BOC: variants seen among roughly 807,000 people sequenced by gnomAD.
BOC encodes brother of CDO.
A neutral mutation model predicts 112.0 loss-of-function variants in BOC; 76 were observed. The ratio of observed to expected loss-of-function variants is 0.68; its 90% CI spans 0.56 to 0.82. The LOEUF is 0.82. Ranked by LOEUF, BOC falls within the 40% of genes least tolerant of loss-of-function variation. The pLI is 0.00. For missense variants in BOC, 1,309 were observed against 1,511.7 expected, an observed-to-expected ratio of 0.87 and a Z score of 2.22; for synonymous variants, 580 against 599.8, an observed-to-expected ratio of 0.97 and a Z score of 0.48.
chr3:113,273,290 A>C lies in BOC; in HGVS notation c.1183A>C (p.Asn395His). The C allele has an allele frequency of 6.2e-7, 1 of 1,605,482 alleles. No homozygotes were observed. The highest frequency in any genetic ancestry group is 8.5e-7 in the Non-Finnish European group (1 of 1,173,628). ...AGGCGTCTACCAGTGCATGGCCGAG[A>C]ACGAGGTTGGGAGCGCCCATGCCGT... ...DEGVYQCMAE[N>H]EVGSAHAVVQ... is the part of the protein sequence containing the mutation. The change falls in exon 8 of 20, where the codon AAC becomes CAC. Residue 395 changes from asparagine to histidine, a missense_variant. Asn to His is a moderately conservative substitution (Grantham distance 68). Coordinates refer to ENST00000682979, the MANE Select transcript of BOC (RefSeq NM_001378074.1).
At chr3:113,218,994 A>G (rs1176569690) in intron 2 of BOC, among the ~76,000 whole-genome samples, 1 of 152,214 alleles carries the variant, frequency 6.6e-6, no homozygotes, top group Non-Finnish European at 1.5e-5. Flanking sequence ...CTGACACACC[A>G]TATAGGTCTT....
At chr3:113,285,308 G>T (rs41271355) in intron 18 of BOC, 64 bp from the exon 19 acceptor site, 1 of 1,521,594 alleles carries the variant, frequency 6.6e-7, no homozygotes. Flanking sequence ...CAGCCAGCAG[G>T]GGGATGGGGC....
chr3:113,215,338 G>T (rs1939150873), intron 1 of BOC, among the ~76,000 whole-genome samples: 1 of 152,280 alleles, frequency 6.6e-6, no homozygotes, highest in Non-Finnish European at 1.5e-5. Context: ...AGGAAGGAAG[G>T]TTTAGAGGAT....
chr3:113,235,255 G>A (rs985606978), intron 2 of BOC, among the ~76,000 whole-genome samples: 2 of 152,118 alleles, frequency 1.3e-5, no homozygotes, highest in African/African-American at 4.8e-5. Context: ...CACTATATTA[G>A]CGTTTTAGTT....
intron 2 of BOC, among the ~76,000 whole-genome samples, chr3:113,221,158 G>T (rs529993307): frequency 1.4e-4 from 21 of 152,244 alleles, no homozygotes; most frequent in Non-Finnish European, 2.6e-4. Context: ...TTATTGCAAA[G>T]AAGAGGCAAG....
At chr3:113,242,064 G>A (rs563156260) in intron 2 of BOC, among the ~76,000 whole-genome samples, 1 of 151,700 alleles carries the variant, frequency 6.6e-6, no homozygotes, top group Non-Finnish European at 1.5e-5. Flanking sequence ...GAGAAATAAA[G>A]CAGATGGAAT....
At chr3:113,238,585 C>T (rs963537719) in intron 2 of BOC, among the ~76,000 whole-genome samples, 5 of 152,108 alleles carry the variant, frequency 3.3e-5, no homozygotes, top group East Asian at 1.9e-4. Flanking sequence ...TTAATAGCTA[C>T]GTAATAGTCC....
intron 9 of BOC, among the ~76,000 whole-genome samples, chr3:113,277,151 CAA>C (rs1486356438): frequency 1.6e-4 from 25 of 152,156 alleles, no homozygotes; most frequent in Non-Finnish European, 2.9e-5. Flanking sequence ...GGAGCGGAAA[CAA>C]AGAGGATTGA....
intron 2 of BOC, among the ~76,000 whole-genome samples, chr3:113,234,760 A>G (rs1327810470): frequency 6.6e-6 from 1 of 152,188 alleles, no homozygotes; most frequent in Non-Finnish European, 1.5e-5. Context: ...TCCTCTCAGC[A>G]TGAACACTAA....
chr3:113,260,445 G>T (rs1053001759), intron 4 of BOC, among the ~76,000 whole-genome samples: 1 of 152,168 alleles, frequency 6.6e-6, no homozygotes, highest in Non-Finnish European at 1.5e-5. Flanking sequence ...ATGTTTGGAG[G>T]AAATTCTGGA....
intron 2 of BOC, among the ~76,000 whole-genome samples, chr3:113,241,236 C>G (rs1350014903): frequency 6.6e-6 from 1 of 152,230 alleles, no homozygotes; most frequent in African/African-American, 2.4e-5. Flanking sequence ...GTCAGAAATA[C>G]CTAGGCATAG....
intron 2 of BOC, among the ~76,000 whole-genome samples, chr3:113,245,280 T>A (rs1387528031): frequency 6.6e-6 from 1 of 152,148 alleles, no homozygotes; most frequent in African/African-American, 2.4e-5. Flanking sequence ...GACAGAGTCT[T>A]GCTCTGTTGC....
intron 2 of BOC, among the ~76,000 whole-genome samples, chr3:113,232,560 C>G (rs6794441): frequency 0.088 from 10,477 of 118,472 alleles, 468 homozygotes; most frequent in East Asian, 0.19. Context: ...GTTTGCTGTG[C>G]GAGTGTGTGT....
intron 2 of BOC, among the ~76,000 whole-genome samples, chr3:113,231,008 G>A (rs1942523751): frequency 6.6e-6 from 1 of 152,164 alleles, no homozygotes; most frequent in Non-Finnish European, 1.5e-5. Flanking sequence ...CCTGGAATTA[G>A]GGGAAGTGTT....
At chr3:113,229,504 T>C (rs2107689172) in intron 2 of BOC, among the ~76,000 whole-genome samples, 1 of 152,350 alleles carries the variant, frequency 6.6e-6, no homozygotes, top group Middle Eastern at 3.4e-3. Flanking sequence ...CTCAGGGACC[T>C]GTTTGTCACC....
chr3:113,230,214 A>G (rs114298103), intron 2 of BOC, among the ~76,000 whole-genome samples: 248 of 152,282 alleles, frequency 1.6e-3, no homozygotes, highest in African/African-American at 5.7e-3. Context: ...CTGTATTTCA[A>G]TACTCAGACA....
intron 4 of BOC, among the ~76,000 whole-genome samples, chr3:113,260,510 A>G (rs142109808): frequency 3.5e-4 from 54 of 152,192 alleles, no homozygotes; most frequent in African/African-American, 1.2e-3. Flanking sequence ...GGGGTCCCCA[A>G]CCCCCAGGCA....
At chr3:113,280,150 C>T (rs1949058258) in intron 13 of BOC, 145 bp downstream of exon 13, 10 of 849,118 alleles carry the variant, frequency 1.2e-5, no homozygotes, top group Non-Finnish European at 1.8e-5. Context: ...GCTGGAGCTG[C>T]TCTAGTGGTC....
chr3:113,279,718 GA>G, intron 12 of BOC, 105 bp from the exon 13 acceptor site: 1 of 1,267,434 alleles, frequency 7.9e-7, no homozygotes. Flanking sequence ...TTGCTTTGGG[GA>G]AGGGCTGCCC....
Sources: gnomAD v4.1 joint callset for allele counts (sites outside exome capture counted in the v4.1 genomes callset) on GRCh38, gnomAD v4.1.1 for gene constraint, MANE v1.5 for transcripts, NCBI Gene and HGNC (gene_info 2026-07-23, HGNC 2026-07-21) for gene names.